SCNN1A: variants seen among roughly 807,000 people sequenced by gnomAD.
The protein encoded by SCNN1A is epithelial sodium channel subunit alpha.
SCNN1A carries 65 observed loss-of-function variants against 68.6 expected under a neutral mutation model. The ratio of observed to expected loss-of-function variants is 0.95; its 90% CI spans 0.78 to 1.16. The LOEUF (loss-of-function observed/expected upper bound fraction) is 1.16, where lower values mean the gene tolerates loss of function less well. Ranked by LOEUF, SCNN1A falls within the 50% of genes most tolerant of loss-of-function variation. SCNN1A has a pLI of 0.00. For missense variants in SCNN1A, 880 were observed against 865.9 expected, an observed-to-expected ratio of 1.02 and a Z score of -0.20; for synonymous variants, 357 against 353.3, an observed-to-expected ratio of 1.01 and a Z score of -0.12.
chr12:6,360,489 G>A (rs1328737067), intron 4 of SCNN1A, among the ~76,000 whole-genome samples: 2 of 152,204 alleles, frequency 1.3e-5, no homozygotes, highest in Non-Finnish European at 1.5e-5. Context: ...AGAGGAACTT[G>A]GTGACAGGTG....
At position 6,363,481 on chromosome 12, in the gene SCNN1A, G is replaced by C. The variant is rs868571366; in HGVS notation, c.646C>G (p.Gln216Glu). ...ATCTTCCAGTCCTTCCAGTCCACCT[G>C]GGGGTTGTTGTCCCGCAAGCTGGAG... is the stretch of plus-strand genomic sequence containing the variant. ...VASSLRDNNP[Q>E]VDWKDWKIGF... The change falls in exon 3 of 13, where the codon CAG (glutamine) becomes GAG (glutamate). Residue 216 changes from glutamine (Q) to glutamate (E), a missense_variant. Coordinates refer to ENST00000228916, the MANE Select transcript of SCNN1A (RefSeq NM_001038.6). The C allele has an allele frequency of 1.2e-6, 2 of 1,606,304 alleles. No homozygotes were observed. Among genetic ancestry groups the C allele is most frequent in the African/African-American group, 1.3e-5 (1 of 74,496 alleles).
rs12424134 is a variant in SCNN1A at position 6,361,758 on chromosome 12, C to A, written c.875+293G>T. Among the ~76,000 whole-genome samples the A allele has an allele frequency of 0.24, 37,054 of 151,582 alleles. 4,979 individuals carry two copies. The highest frequency in any genetic ancestry group is 0.39 in the East Asian group (2,020 of 5,148). ...AACTCCATCTCAAAAAAAAGAAAAA[C>A]AAAAAAGACCAAGATCCATGCTTCC... On this transcript the variant is annotated intron_variant, in intron 4 of 12. Coordinates refer to ENST00000228916, the MANE Select transcript of SCNN1A (RefSeq NM_001038.6).
chr12:6,349,361 G>A lies in SCNN1A; in HGVS notation c.1405C>T (p.Leu469=). 1 of 1,610,962 alleles carries A rather than the reference G, an allele frequency of 6.2e-7. No homozygotes were observed. Among genetic ancestry groups the A allele is most frequent in the East Asian group, 2.2e-5 (1 of 44,734 alleles). The change falls in exon 9 of 13, where the codon CTG becomes TTG. Residue 469 remains leucine, a synonymous_variant. Transcript: ENST00000228916. The part of the protein sequence containing the change: ...KLQVDFSSDH[L]GCFTKCRKPC... ...TTCCGGCACTTGGTGAAACAGCCCA[G>A]GTGGTCTGAGGAGAAGTCAACCTGG...
At chr12:6,371,553 A>AGGGTGG (rs1948792810) in intron 2 of SCNN1A, among the ~76,000 whole-genome samples, 2 of 27,188 alleles carry the variant, frequency 7.4e-5, no homozygotes, top group Non-Finnish European at 1.3e-4. Context: ...GTGAGGGTGG[A>AGGGTGG]CGGTGGGGGT....
rs763129361 is a variant in SCNN1A at position 6,363,508 on chromosome 12, C to A, written c.619G>T (p.Ala207Ser). Residue 207 changes from alanine (A) to serine (S), a missense_variant, in exon 3 of 13, where the codon GCC becomes TCC. Physicochemically the swap from Ala to Ser is moderately conservative, Grantham distance 99. Transcript: ENST00000228916. ...GGGTTGTTGTCCCGCAAGCTGGAGGCCACGCTACGGGCTCGACGGGCCCCG... is the reference window on the plus strand; with the variant it reads ...GGGTTGTTGTCCCGCAAGCTGGAGGACACGCTACGGGCTCGACGGGCCCCG... Reference protein sequence around the residue: ...PHGARRARSVASSLRDNNPQV... With the variant: ...PHGARRARSVSSSLRDNNPQV... 6.2e-7 allele frequency: 1 copy of A among 1,608,758 alleles called. No homozygotes were observed. The highest frequency in any genetic ancestry group is 1.1e-5 in the South Asian group (1 of 90,488).
At chr12:6,359,857 A>C (rs1428987507) in intron 4 of SCNN1A, among the ~76,000 whole-genome samples, 1 of 124,822 alleles carries the variant, frequency 8.0e-6, no homozygotes, top group Non-Finnish European at 1.6e-5. Context: ...TGCAACCTCC[A>C]CCTCTTGGGT....
rs1464297343 is a variant in SCNN1A at position 6,347,933 on chromosome 12, G to A, written c.1950C>T (p.Arg650=). Residue 650 remains arginine (R), a synonymous_variant, in exon 13 of 13, where the codon CGC becomes CGT. Coordinates refer to ENST00000228916, the MANE Select transcript of SCNN1A (RefSeq NM_001038.6). ...PPPAYATLGP[R]PSPGGSAGAS... ...CCCCTGCAGAGCCCCCTGGAGATGG[G>A]CGGGGGCCCAGGGTGGCATAGGCAG... is the stretch of plus-strand genomic sequence containing the variant. 16 of 1,585,838 alleles carry A rather than the reference G, an allele frequency of 1.0e-5. No individual in the cohort carries two copies. Among genetic ancestry groups the A allele is most frequent in the African/African-American group, 1.3e-5 (1 of 74,474 alleles).
Position 6,348,880 on chromosome 12 carries a change from T to C in SCNN1A, c.1553+70A>G, listed in dbSNP as rs1592059184. On this transcript the variant is annotated intron_variant, in intron 11 of 12. Coordinates refer to ENST00000228916, the MANE Select transcript of SCNN1A (RefSeq NM_001038.6). Reference sequence around the variant, plus strand: ...ACCTTCCTCTAATCAACCATATCGATCCCTCTTCTTAGGTCTATTTTCCCT... The same window carrying C: ...ACCTTCCTCTAATCAACCATATCGACCCCTCTTCTTAGGTCTATTTTCCCT... The C allele has an allele frequency of 1.0e-5, 16 of 1,603,480 alleles. No individual in the cohort carries two copies. In the East Asian group the frequency reaches 3.6e-4, roughly 36 times the overall value.
At position 6,373,986 on chromosome 12, in the gene SCNN1A, C is replaced by T. The variant is rs572611037; in HGVS notation, c.416+382G>A. Among the ~76,000 whole-genome samples, 12 of 152,282 alleles carry T rather than the reference C, an allele frequency of 7.9e-5. No homozygotes were observed. The Middle Eastern group carries it at 0.01, about 129-fold the overall frequency. On this transcript the variant is annotated intron_variant, in intron 2 of 12. Coordinates refer to ENST00000228916, the MANE Select transcript of SCNN1A (RefSeq NM_001038.6). Reference sequence around the variant, plus strand: ...CATCAGACTCTCCTGCTGAGGTGGACGAGGTCTTATACTTTGCTGGCATCT... The same window carrying T: ...CATCAGACTCTCCTGCTGAGGTGGATGAGGTCTTATACTTTGCTGGCATCT...
chr12:6,375,935 T>C (rs550870400), upstream of SCNN1A: 937 of 999,900 alleles, frequency 9.4e-4, 1 homozygote, highest in Middle Eastern at 4.7e-3. Flanking sequence ...GAGATAGGGA[T>C]GGAGGAGGGG....
In SCNN1A at chr12:6,355,405, T is replaced by C. The variant is rs749978185; in HGVS notation, c.1010A>G (p.Asn337Ser). ...GLSLMLRAEQ[N>S]DFIPLLSTVT... ...TGTGGACAGCAGGGGAATGAAGTCATTCTGCTCTGCGCGCAGCATCAGGGA... is the reference window on the plus strand; with the variant it reads ...TGTGGACAGCAGGGGAATGAAGTCACTCTGCTCTGCGCGCAGCATCAGGGA... The change falls in exon 6 of 13, where the codon AAT becomes AGT. Residue 337 changes from asparagine to serine, a missense_variant. By Grantham distance (46) the Asn-to-Ser change is conservative (BLOSUM62 1). This residue lies in a region of SCNN1A where 758 missense variants were observed against 721.8 expected (regional missense o/e 1.05). Transcript: ENST00000228916. The C allele has an allele frequency of 2.5e-6, 4 of 1,613,932 alleles. No homozygotes were observed. Among genetic ancestry groups the C allele is most frequent in the African/African-American group, 2.7e-5 (2 of 74,930 alleles).
At chr12:6,370,148 A>T (rs1034785298) in intron 2 of SCNN1A, among the ~76,000 whole-genome samples, 5 of 152,138 alleles carry the variant, frequency 3.3e-5, no homozygotes, top group African/African-American at 4.8e-5. Context: ...GTCAACCCTT[A>T]CACAATTCCA....
rs757598099 is a variant in SCNN1A, at chr12:6,349,180, G to A, written c.1481C>T (p.Pro494Leu). The stretch of plus-strand genomic sequence containing the variant: ...ACACTCTACCTGGGATGTCACCGAG[G>A]GCCATCGTGAGTAACCAGCAGAGAG... ...YQLSAGYSRW[P>L]SVTSQEWVFQ... Residue 494 changes from proline (P) to leucine (L), a missense_variant, in exon 10 of 13, where the codon CCC (proline) becomes CTC (leucine). This residue lies in a region of SCNN1A where 758 missense variants were observed against 721.8 expected (regional missense o/e 1.05). Transcript: ENST00000228916. 3.1e-5 allele frequency: 50 copies of A among 1,614,058 alleles called. 1 individual carries two copies. The Middle Eastern group carries it at 7.5e-3, about 241-fold the overall frequency.
intron 2 of SCNN1A, among the ~76,000 whole-genome samples, chr12:6,370,828 A>G (rs1948776262): frequency 6.6e-6 from 1 of 152,216 alleles, no homozygotes; most frequent in African/African-American, 2.4e-5. Flanking sequence ...TTTCCAGGAA[A>G]GAAGCTACCA....
chr12:6,347,617 G>T lies in SCNN1A; in HGVS notation c.*256C>A. ...GGGAAAAAGAGACTTAGCCGCAGTT[G>T]GGTGGGGAAACCAGAGTGTTCAGAG... On this transcript the variant is annotated 3_prime_UTR_variant, in exon 13 of 13. Coordinates refer to ENST00000228916, the MANE Select transcript of SCNN1A (RefSeq NM_001038.6). The T allele has an allele frequency of 1.9e-6, 1 of 522,140 alleles. No individual in the cohort carries two copies. The highest frequency in any genetic ancestry group is 3.0e-5 in the East Asian group (1 of 33,680). 32.3% of individuals were successfully genotyped at this position (522,140 alleles called of 1,614,324 possible). A position where few individuals can be genotyped will look rare whatever the true frequency, so the allele number is the denominator to read the frequency against.
chr12:6,356,225 G>A lies in SCNN1A; in HGVS notation c.876-345C>T, dbSNP rs72657591. On this transcript the variant is annotated intron_variant, in intron 4 of 12. Coordinates refer to ENST00000228916, the MANE Select transcript of SCNN1A (RefSeq NM_001038.6). ...TCTGGGTTCACCGGCATTGACTTCCGTGCTGCCTTGTAACTTCTCTCTTGT... is the reference window on the plus strand; with the variant it reads ...TCTGGGTTCACCGGCATTGACTTCCATGCTGCCTTGTAACTTCTCTCTTGT... 219 of 370,222 alleles carry A rather than the reference G, an allele frequency of 5.9e-4. 2 individuals carry two copies. The highest frequency in any genetic ancestry group is 4.0e-3 in the African/African-American group (193 of 48,526). 22.9% of individuals were successfully genotyped at this position (370,222 alleles called of 1,614,324 possible).
At chr12:6,348,914 T>C (rs1948316898) in intron 11 of SCNN1A, 36 bp downstream of exon 11, 2 of 1,612,310 alleles carry the variant, frequency 1.2e-6, no homozygotes, top group Non-Finnish European at 1.7e-6. Flanking sequence ...CTCCCAAAGA[T>C]TCCCTTCTTG....
At chr12:6,348,833 T>C (rs374041067) in intron 11 of SCNN1A, 31 bp from the exon 12 acceptor site, 277 of 1,608,850 alleles carry the variant, frequency 1.7e-4, no homozygotes, top group Non-Finnish European at 2.1e-4. Context: ...TGGGAAGAAA[T>C]GGTAGAGGAT....
chr12:6,365,999 T>C (rs1395278535), intron 2 of SCNN1A, among the ~76,000 whole-genome samples: 1 of 152,004 alleles, frequency 6.6e-6, no homozygotes, highest in African/African-American at 2.4e-5. Context: ...GGACTACAGG[T>C]GCGTGCCACC....
Sources: allele counts gnomAD v4.1 joint callset (sites outside exome capture counted in the v4.1 genomes callset), GRCh38; gene constraint gnomAD v4.1.1; regional missense constraint gnomAD v4.1.1; transcripts MANE v1.5; gene names NCBI Gene and HGNC (gene_info 2026-07-23, HGNC 2026-07-21).